Variants in AGFG1 observed in about 807,000 individuals in gnomAD.
The protein encoded by AGFG1 is arf-GAP domain and FG repeat-containing protein 1.
AGFG1 carries 10 observed loss-of-function variants against 60.6 expected under a neutral mutation model. The observed-to-expected ratio is 0.16, with a 90% CI of 0.10 to 0.28. AGFG1 has a LOEUF of 0.28. Among genes scored for constraint, AGFG1 ranks in the 10% least tolerant of loss-of-function variants. AGFG1 has a pLI of 1.00. For synonymous variants in AGFG1, 247 were observed against 242.9 expected (o/e 1.02, Z -0.16); for missense variants, 537 against 676.5 (o/e 0.79, Z 2.29).
chr2:227,521,878 T>C (rs1691837229), intron 3 of AGFG1, among the ~76,000 whole-genome samples: 2 of 152,204 alleles, frequency 1.3e-5, no homozygotes, highest in Admixed American at 1.3e-4. Flanking sequence ...TTTTCTTTCC[T>C]GAGAAACAGG....
In AGFG1 at chr2:227,520,011, G is replaced by C; in HGVS notation, c.325G>C (p.Asp109His). ...DRSSAIPDFR[D>H]PQKVKEFLQE... is the part of the protein sequence containing the mutation. ...ATCTTCAGCAATTCCAGACTTCAGG[G>C]ATCCACAAAAAGTGAAAGAGTTTCT... is the stretch of plus-strand genomic sequence containing the variant. The change falls in exon 3 of 13, where the codon GAT becomes CAT. Residue 109 changes from aspartate (D) to histidine (H), a missense_variant. Coordinates refer to ENST00000310078, the MANE Select transcript of AGFG1 (RefSeq NM_004504.5). 6.3e-7 allele frequency: 1 copy of C among 1,584,838 alleles called. No homozygotes were observed. The highest frequency in any genetic ancestry group is 8.5e-7 in the Non-Finnish European group (1 of 1,170,962).
intron 12 of AGFG1, among the ~76,000 whole-genome samples, 180 bp downstream of exon 12, chr2:227,553,975 A>C (rs1692897628): frequency 6.6e-6 from 1 of 152,214 alleles, no homozygotes; most frequent in Admixed American, 6.5e-5. Flanking sequence ...CCTTTTAAAA[A>C]ATTAGTTGCA....
intron 2 of AGFG1, among the ~76,000 whole-genome samples, chr2:227,494,942 A>G (rs1307476665): frequency 6.6e-6 from 1 of 152,200 alleles, no homozygotes; most frequent in African/African-American, 2.4e-5. Flanking sequence ...TGGTAAGCAA[A>G]TAATGTTATT....
chr2:227,560,337 A>C lies in AGFG1; in HGVS notation c.*5842A>C, dbSNP rs1044368140. 6.6e-6 allele frequency: 1 copy of C among 152,164 alleles called. No individual in the cohort carries two copies. The highest frequency in any genetic ancestry group is 2.4e-5 in the African/African-American group (1 of 41,460). The allele number at this position is 152,164 out of a possible 1,614,324, so 9.4% of individuals were successfully genotyped here. A position where few individuals can be genotyped will look rare whatever the true frequency, so the allele number is the denominator to read the frequency against. ...GCCTGACTGGAAACTTTATTAATAA[A>C]GTAGACATTATTCTATTTTGAGGCT... is the stretch of plus-strand genomic sequence containing the variant. On this transcript the variant is annotated 3_prime_UTR_variant, in exon 13 of 13. Transcript: ENST00000310078.
intron 10 of AGFG1, among the ~76,000 whole-genome samples, chr2:227,537,682 A>G (rs1436130481): frequency 6.6e-6 from 1 of 152,182 alleles, no homozygotes; most frequent in Non-Finnish European, 1.5e-5. Context: ...ATTTGCCAGT[A>G]TCTTGGAATG....
chr2:227,498,643 C>G (rs550795268), intron 2 of AGFG1, among the ~76,000 whole-genome samples: 1 of 152,242 alleles, frequency 6.6e-6, no homozygotes, highest in South Asian at 2.1e-4. Context: ...TGTTGGCTTT[C>G]AGAGAAATAC....
At position 227,533,667 on chromosome 2, in the gene AGFG1, T is replaced by C; in HGVS notation, c.933T>C (p.Val311=). 1 of 1,613,856 alleles carries C rather than the reference T, an allele frequency of 6.2e-7. No homozygotes were observed. The highest frequency in any genetic ancestry group is 1.7e-4 in the Middle Eastern group (1 of 6,058). The change falls in exon 7 of 13, where the codon GTT becomes GTC. Residue 311 remains valine (V), a synonymous_variant. Transcript: ENST00000310078. ...TSQSHQTASA[V]SKVSTNKAGL... ...AGAGTCATCAAACAGCATCAGCTGT[T>C]AGTAAAGTTTCAACGAACAAAGCTG...
intron 6 of AGFG1, chr2:227,532,059 G>A (rs1692179200): frequency 8.5e-7 from 1 of 1,177,518 alleles, no homozygotes; most frequent in Admixed American, 2.5e-5. Flanking sequence ...TCTGTGTATT[G>A]TCTTAAAGCC....
chr2:227,502,096 G>A (rs781244336), intron 2 of AGFG1, among the ~76,000 whole-genome samples: 3 of 152,082 alleles, frequency 2.0e-5, no homozygotes, highest in East Asian at 1.9e-4. Context: ...TGACTAAAGC[G>A]ATCCACCTGT....
intron 10 of AGFG1, among the ~76,000 whole-genome samples, chr2:227,539,080 G>A (rs952208948): frequency 2.6e-5 from 4 of 152,066 alleles, no homozygotes; most frequent in Non-Finnish European, 5.9e-5. Flanking sequence ...GATGCACTAC[G>A]CTTAAGAATT....
chr2:227,545,204 C>T (rs1692609496), intron 10 of AGFG1, among the ~76,000 whole-genome samples: 1 of 152,104 alleles, frequency 6.6e-6, no homozygotes, highest in Non-Finnish European at 1.5e-5. Flanking sequence ...TTATTTCATT[C>T]ATTTGATGTT....
Position 227,559,523 on chromosome 2 carries a change from A to G in AGFG1, c.*5028A>G, listed in dbSNP as rs1455510799. The G allele has an allele frequency of 6.6e-6, 1 of 152,178 alleles. No individual in the cohort carries two copies. The highest frequency in any genetic ancestry group is 1.5e-5 in the Non-Finnish European group (1 of 68,018). 9.4% of individuals were successfully genotyped at this position (152,178 alleles called of 1,614,324 possible). On this transcript the variant is annotated 3_prime_UTR_variant, in exon 13 of 13. Transcript: ENST00000310078. ...TATTTTTGACATCTGTGCTTGTCCA[A>G]CACAGGGCTGTAGGGACTGATGAAA...
intron 2 of AGFG1, among the ~76,000 whole-genome samples, chr2:227,509,270 A>G (rs1438188173): frequency 6.6e-6 from 1 of 152,174 alleles, no homozygotes; most frequent in South Asian, 2.1e-4. Context: ...TAATTTAATC[A>G]TGAGGAAGCC....
rs761815355 is a variant in AGFG1, at chr2:227,491,595, A to G, written c.216A>G (p.Thr72=). 1.3e-6 allele frequency: 2 copies of G among 1,567,812 alleles called. No homozygotes were observed. The highest frequency in any genetic ancestry group is 2.3e-5 in the East Asian group (1 of 43,344). The part of the protein sequence containing the change: ...PHRVKSISMT[T]FTQQEIEFLQ... ...GGGTGAAATCTATCTCCATGACAAC[A>G]TTCACACAACAGGAAATTGAATTCT... The change falls in exon 2 of 13, where the codon ACA becomes ACG. Residue 72 remains threonine (T), a synonymous_variant. Transcript: ENST00000310078.
chr2:227,548,049 C>G (rs1022572282), intron 10 of AGFG1, among the ~76,000 whole-genome samples: 6 of 152,174 alleles, frequency 3.9e-5, no homozygotes, highest in Non-Finnish European at 7.3e-5. Context: ...ATGGATGAAC[C>G]TTGAAAACAT....
chr2:227,540,274 A>G (rs1025784774), intron 10 of AGFG1, among the ~76,000 whole-genome samples: 1 of 150,426 alleles, frequency 6.6e-6, no homozygotes, highest in African/African-American at 2.5e-5. Context: ...TACATGTACC[A>G]TGTTGGTGTG....
intron 10 of AGFG1, among the ~76,000 whole-genome samples, chr2:227,550,945 A>C (rs894868011): frequency 6.6e-6 from 1 of 152,172 alleles, no homozygotes; most frequent in Non-Finnish European, 1.5e-5. Context: ...ATTGGCTCTT[A>C]TTTTACTGAG....
chr2:227,538,882 A>C (rs1692394070), intron 10 of AGFG1, among the ~76,000 whole-genome samples: 1 of 152,178 alleles, frequency 6.6e-6, no homozygotes, highest in Admixed American at 6.5e-5. Context: ...AGTAACAAAA[A>C]TTTATTAGAA....
At chr2:227,530,631 TATTA>T (rs1692128809) in intron 5 of AGFG1, among the ~76,000 whole-genome samples, 1 of 151,168 alleles carries the variant, frequency 6.6e-6, no homozygotes, top group African/African-American at 2.5e-5. Flanking sequence ...AAAAAAGCTC[TATTA>T]ATTAAACCAT....
Sources: allele counts gnomAD v4.1 joint callset (sites outside exome capture counted in the v4.1 genomes callset), GRCh38; gene constraint gnomAD v4.1.1; transcripts MANE v1.5; gene names NCBI Gene and HGNC (gene_info 2026-07-23, HGNC 2026-07-21).